The following DENND4C variants were observed in gnomAD, a reference collection of about 807,000 sequenced individuals.
DENND4C encodes DENN domain-containing protein 4C.
In DENND4C, 108 loss-of-function variants were observed where a neutral mutation model predicts 203.0. The observed-to-expected ratio is 0.53, with a 90% confidence interval of 0.46 to 0.62. The LOEUF is 0.62. Among genes scored for constraint, DENND4C ranks in the 20% least tolerant of loss-of-function variants. The pLI is 0.00. For missense variants in DENND4C, 2,481 were observed against 2,301.2 expected, an observed-to-expected ratio of 1.08 and a Z score of -1.60; for synonymous variants, 871 against 792.4, an observed-to-expected ratio of 1.10 and a Z score of -1.67.
At chr9:19,332,630 G>A (rs1308195055) in intron 17 of DENND4C, among the ~76,000 whole-genome samples, 2 of 151,064 alleles carry the variant, frequency 1.3e-5, no homozygotes, top group African/African-American at 4.9e-5. Context: ...TTTCAGTGCT[G>A]GGATTACAGG....
At chr9:19,366,614 A>G (rs892407602) in intron 30 of DENND4C, among the ~76,000 whole-genome samples, 3 of 152,186 alleles carry the variant, frequency 2.0e-5, no homozygotes, top group Non-Finnish European at 4.4e-5. Flanking sequence ...AAAAAAGAAT[A>G]GTCTTTTCAA....
chr9:19,307,366 C>G (rs1223637487), intron 10 of DENND4C, among the ~76,000 whole-genome samples: 1 of 146,134 alleles, frequency 6.8e-6, no homozygotes, highest in Non-Finnish European at 1.5e-5. Flanking sequence ...TGCACTGCAG[C>G]CTGGGTAACA....
At position 19,288,465 on chromosome 9, in the gene DENND4C, G is replaced by C. The variant is rs182464238; in HGVS notation, c.559-131G>C. On this transcript the variant is annotated intron_variant, in intron 3 of 32. Coordinates refer to ENST00000434457, the MANE Select transcript of DENND4C (RefSeq NM_001330640.2). The stretch of plus-strand genomic sequence containing the variant: ...TTCATGCTTTGCTGTATTTTATACT[G>C]CATAGTTCATTATATAAACGTTTTA... 3.9e-3 allele frequency: 1,730 copies of C among 446,038 alleles called. 5 individuals are homozygous for C. The highest frequency in any genetic ancestry group is 0.014 in the South Asian group (112 of 8,164). The allele number at this position is 446,038 out of a possible 1,614,324, so 27.6% of individuals were successfully genotyped here. A position where few individuals can be genotyped will look rare whatever the true frequency, so the allele number is the denominator to read the frequency against.
intron 16 of DENND4C, among the ~76,000 whole-genome samples, chr9:19,330,533 C>T (rs1377720685): frequency 4.6e-5 from 7 of 151,498 alleles, no homozygotes; most frequent in Admixed American, 1.3e-4. Flanking sequence ...AGAGACAGGG[C>T]TTTACCATGT....
chr9:19,265,700 G>A (rs1161400179), intron 1 of DENND4C, among the ~76,000 whole-genome samples: 2 of 152,046 alleles, frequency 1.3e-5, no homozygotes, highest in Non-Finnish European at 2.9e-5. Context: ...GAGAACATGC[G>A]GTGTTTGGTT....
chr9:19,244,229 C>G (rs1265477659), intron 1 of DENND4C, among the ~76,000 whole-genome samples: 1 of 152,084 alleles, frequency 6.6e-6, no homozygotes, highest in African/African-American at 2.4e-5. Context: ...TGGGATTTTG[C>G]CATGTTAGCC....
chr9:19,305,569 C>T, intron 10 of DENND4C, 42 bp downstream of exon 10: 1 of 1,555,040 alleles, frequency 6.4e-7, no homozygotes, highest in Non-Finnish European at 8.7e-7. Flanking sequence ...TTATATTTTT[C>T]ACTATGTAGA....
chr9:19,369,774 A>T lies in DENND4C; in HGVS notation c.5525-63A>T, dbSNP rs1311767303. Reference sequence around the variant, plus strand: ...AGAGTGAGATGTTGTCTCAAAAAAAAAAAAATAATAATAATAATAATAGTA... The same window carrying T: ...AGAGTGAGATGTTGTCTCAAAAAAATAAAAATAATAATAATAATAATAGTA... On this transcript the variant is annotated intron_variant, in intron 30 of 32. Coordinates refer to ENST00000434457, the MANE Select transcript of DENND4C (RefSeq NM_001330640.2). 4 of 1,024,512 alleles carry T rather than the reference A, an allele frequency of 3.9e-6. No homozygotes were observed. In the South Asian group the frequency reaches 1.7e-4, roughly 44 times the overall value. The allele number at this position is 1,024,512 out of a possible 1,614,324, so 63.5% of individuals were successfully genotyped here.
intron 2 of DENND4C, among the ~76,000 whole-genome samples, chr9:19,279,955 C>T (rs1833698609): frequency 6.6e-6 from 1 of 151,988 alleles, no homozygotes; most frequent in Non-Finnish European, 1.5e-5. Context: ...AGGGAATAAC[C>T]TAGAACATTT....
At chr9:19,344,825 AAAAG>A (rs565386724) in intron 22 of DENND4C, among the ~76,000 whole-genome samples, 105 of 152,130 alleles carry the variant, frequency 6.9e-4, no homozygotes, top group African/African-American at 2.4e-3. Flanking sequence ...AAAAAAAAAT[AAAAG>A]AAAGAAATTT....
At chr9:19,321,469 G>GTT (rs564732221) in intron 12 of DENND4C, among the ~76,000 whole-genome samples, 3 of 145,360 alleles carry the variant, frequency 2.1e-5, no homozygotes, top group Admixed American at 1.4e-4. Context: ...CAGATCGAAG[G>GTT]TTTTTTTTTT....
intron 26 of DENND4C, among the ~76,000 whole-genome samples, chr9:19,353,129 C>G (rs1824543145): frequency 6.6e-6 from 1 of 152,112 alleles, no homozygotes; most frequent in Non-Finnish European, 1.5e-5. Flanking sequence ...TTCAACTCTT[C>G]TCTTGTCACT....
At chr9:19,323,170 C>T (rs1843165719) in intron 12 of DENND4C, among the ~76,000 whole-genome samples, 1 of 152,184 alleles carries the variant, frequency 6.6e-6, no homozygotes, top group South Asian at 2.1e-4. Context: ...TGCAGTGGCT[C>T]ACGCCTGTAA....
At chr9:19,236,737 T>C (rs112112401) in intron 1 of DENND4C, among the ~76,000 whole-genome samples, 154 of 152,294 alleles carry the variant, frequency 1.0e-3, no homozygotes, top group African/African-American at 3.6e-3. Flanking sequence ...AAACATTTCC[T>C]GTGGCCCACA....
chr9:19,358,356 CT>C lies in DENND4C; in HGVS notation c.5160+197del, dbSNP rs1199808744. 1.3e-5 allele frequency among the ~76,000 whole-genome samples: 2 copies of C among 152,146 alleles called. No individual in the cohort carries two copies. The highest frequency in any genetic ancestry group is 4.8e-5 in the African/African-American group (2 of 41,434). ...AACAGTATAATGAGTCCCCCATCATCTAGCTTCAGTTATTTTCAGTTTATGG... is the reference window on the plus strand; with the variant it reads ...AACAGTATAATGAGTCCCCCATCATCAGCTTCAGTTATTTTCAGTTTATGG... On this transcript the variant is annotated intron_variant, in intron 28 of 32. Coordinates refer to ENST00000434457, the MANE Select transcript of DENND4C (RefSeq NM_001330640.2). The surrounding 1 kb of genome is among the most constrained non-coding windows in gnomAD (Gnocchi z 4.8).
chr9:19,323,950 G>T (rs931827110), intron 12 of DENND4C, among the ~76,000 whole-genome samples: 1 of 152,096 alleles, frequency 6.6e-6, no homozygotes, highest in Non-Finnish European at 1.5e-5. Flanking sequence ...CTTTCTGAGG[G>T]CTGACATTAT....
intron 23 of DENND4C, among the ~76,000 whole-genome samples, chr9:19,347,801 C>T (rs1377776282): frequency 6.6e-6 from 1 of 152,162 alleles, no homozygotes. Flanking sequence ...GTAGCATTCA[C>T]TTTTAAAATA....
At position 19,307,052 on chromosome 9, in the gene DENND4C, G is replaced by A. The variant is rs182012065; in HGVS notation, c.1487+1525G>A. ...ACCCACCTTGGCCTCCCAAAGTGCT[G>A]GGATTACAGGCATGAGCCACTGTGC... On this transcript the variant is annotated intron_variant, in intron 10 of 32. Coordinates refer to ENST00000434457, the MANE Select transcript of DENND4C (RefSeq NM_001330640.2). Among the ~76,000 whole-genome samples, 459 of 152,124 alleles carry A rather than the reference G, an allele frequency of 3.0e-3. 6 individuals carry two copies. The highest frequency in any genetic ancestry group is 2.1e-3 in the Non-Finnish European group (140 of 68,010).
In DENND4C at chr9:19,328,009, C is replaced by T. The variant is rs753801056; in HGVS notation, c.2121-21C>T. 4 of 1,566,542 alleles carry T rather than the reference C, an allele frequency of 2.6e-6. No individual in the cohort carries two copies. In the Admixed American group the frequency reaches 7.9e-5, roughly 31 times the overall value. On this transcript the variant is annotated intron_variant, in intron 15 of 32. Transcript: ENST00000434457. ...GTTGGTGTGTTTTAAATCAGCAGTT[C>T]TATTTTTTTTTTTATTTTAGTTACA...
Sources: allele counts gnomAD v4.1 joint callset (sites outside exome capture counted in the v4.1 genomes callset), GRCh38; gene constraint gnomAD v4.1.1; non-coding constraint Gnocchi (gnomAD v3.1); transcripts MANE v1.5; gene names NCBI Gene and HGNC (gene_info 2026-07-23, HGNC 2026-07-21).